The following TSPAN9 variants were observed in gnomAD, a reference collection of about 807,000 sequenced individuals.
TSPAN9 encodes tetraspanin 9.
TSPAN9 carries 16 observed loss-of-function variants against 31.0 expected under a neutral mutation model. The observed-to-expected ratio is 0.52, with a 90% CI of 0.35 to 0.78. The LOEUF (loss-of-function observed/expected upper bound fraction) is 0.78, where lower values mean the gene tolerates loss of function less well. Among genes scored for constraint, TSPAN9 ranks in the 30% least tolerant of loss-of-function variants. The pLI is 0.01. For synonymous variants in TSPAN9, 145 were observed against 121.6 expected, an observed-to-expected ratio of 1.19 and a Z score of -1.27; for missense variants, 272 against 312.5, an observed-to-expected ratio of 0.87 and a Z score of 0.98.
chr12:3,280,083 G>A lies in TSPAN9; in HGVS notation c.331-299G>A, dbSNP rs1349325335. 6.6e-6 allele frequency among the ~76,000 whole-genome samples: 1 copy of A among 152,104 alleles called. No individual in the cohort carries two copies. Among genetic ancestry groups the A allele is most frequent in the Non-Finnish European group, 1.5e-5 (1 of 67,996 alleles). On this transcript the variant is annotated intron_variant, in intron 5 of 8. Coordinates refer to ENST00000011898, the MANE Select transcript of TSPAN9 (RefSeq NM_006675.5). The surrounding 1 kb of genome is among the most constrained non-coding windows in gnomAD (Gnocchi z 4.5). ...TCCTGGGATGGGGGAGTGGAGGCAC[G>A]TGGTGTGTTTTTTTGCCTCTGGGTG...
intron 3 of TSPAN9, among the ~76,000 whole-genome samples, chr12:3,258,461 G>A (rs1291313346): frequency 6.6e-6 from 1 of 152,204 alleles, no homozygotes; most frequent in African/African-American, 2.4e-5. Context: ...AGACCTCAGT[G>A]AATGTCTCTG....
chr12:3,228,389 C>T (rs2098388971), intron 3 of TSPAN9, among the ~76,000 whole-genome samples: 1 of 152,186 alleles, frequency 6.6e-6, no homozygotes, highest in African/African-American at 2.4e-5. Flanking sequence ...AATAAGCTCT[C>T]CTCACATCCT....
intron 2 of TSPAN9, among the ~76,000 whole-genome samples, chr12:3,108,995 G>A (rs1016945617): frequency 4.0e-5 from 6 of 151,828 alleles, no homozygotes; most frequent in East Asian, 1.9e-4. Flanking sequence ...CAGTGCAGTG[G>A]CGCGATCTCC....
At chr12:3,101,849 G>A (rs530538983) in intron 2 of TSPAN9, among the ~76,000 whole-genome samples, 46 of 152,278 alleles carry the variant, frequency 3.0e-4, no homozygotes, top group Non-Finnish European at 2.8e-4. Flanking sequence ...GGCTCCCAGC[G>A]AAGCCTGGCG....
chr12:3,285,490 C>T lies in TSPAN9; in HGVS notation c.*2374C>T, dbSNP rs1355315616. ...TTGCAGAGCCTCATCTACAGGTCCC[C>T]ACGCTGCCTTCTTTACTCACTCTGC... On this transcript the variant is annotated 3_prime_UTR_variant, in exon 9 of 9. Transcript: ENST00000011898. 2 of 152,254 alleles carry T rather than the reference C, an allele frequency of 1.3e-5. No individual in the cohort carries two copies. Among genetic ancestry groups the T allele is most frequent in the African/African-American group, 2.4e-5 (1 of 41,442 alleles). 9.4% of individuals were successfully genotyped at this position (152,254 alleles called of 1,614,324 possible).
intron 2 of TSPAN9, among the ~76,000 whole-genome samples, chr12:3,121,829 C>T (rs1245128538): frequency 6.6e-6 from 1 of 152,098 alleles, no homozygotes; most frequent in East Asian, 1.9e-4. Flanking sequence ...GGGACTTGCC[C>T]TTGTACACAG....
At chr12:3,228,346 C>T (rs2098388953) in intron 3 of TSPAN9, among the ~76,000 whole-genome samples, 1 of 152,220 alleles carries the variant, frequency 6.6e-6, no homozygotes, top group Non-Finnish European at 1.5e-5. Flanking sequence ...GCCTGAACAA[C>T]AGAGCCAGAC....
chr12:3,275,492 A>G (rs1240913245), intron 3 of TSPAN9, among the ~76,000 whole-genome samples: 3 of 152,258 alleles, frequency 2.0e-5, no homozygotes, highest in African/African-American at 7.2e-5. Context: ...TCTCCATGGT[A>G]TGATTAATGA....
chr12:3,138,668 T>G (rs2098333235), intron 2 of TSPAN9, among the ~76,000 whole-genome samples: 1 of 151,158 alleles, frequency 6.6e-6, no homozygotes, highest in African/African-American at 2.4e-5. Context: ...CCTTTTTTTG[T>G]ATTTTTGTAG....
intron 2 of TSPAN9, among the ~76,000 whole-genome samples, chr12:3,124,394 G>A (rs2098326436): frequency 6.6e-6 from 1 of 151,638 alleles, no homozygotes; most frequent in Non-Finnish European, 1.5e-5. Flanking sequence ...CATACTGAAT[G>A]TCTAACAATA....
intron 2 of TSPAN9, among the ~76,000 whole-genome samples, chr12:3,165,844 G>C (rs1235216261): frequency 6.6e-6 from 1 of 152,124 alleles, no homozygotes; most frequent in Non-Finnish European, 1.5e-5. Flanking sequence ...AGCTCCCAGG[G>C]GTGTCTTAAG....
In TSPAN9 at chr12:3,201,216, G is replaced by A; in HGVS notation, c.23G>A (p.Cys8Tyr). 1 of 1,614,154 alleles carries A rather than the reference G, an allele frequency of 6.2e-7. No homozygotes were observed. Among genetic ancestry groups the A allele is most frequent in the Non-Finnish European group, 8.5e-7 (1 of 1,180,028 alleles). Reference sequence around the variant, plus strand: ...AACATGGCCAGGGGCTGCCTCTGCTGCTTGAAGTACATGATGTTCCTCTTC... The same window carrying A: ...AACATGGCCAGGGGCTGCCTCTGCTACTTGAAGTACATGATGTTCCTCTTC... The part of the protein sequence containing the change: MARGCLC[C>Y]LKYMMFLFNL... The change falls in exon 3 of 9, where the codon TGC (cysteine) becomes TAC (tyrosine). Residue 8 changes from cysteine (C) to tyrosine (Y), a missense_variant. By Grantham distance (194) the Cys-to-Tyr change is radical (BLOSUM62 -2). Transcript: ENST00000011898.
At chr12:3,139,097 T>G (rs1591644287) in intron 2 of TSPAN9, among the ~76,000 whole-genome samples, 1 of 152,194 alleles carries the variant, frequency 6.6e-6, no homozygotes, top group African/African-American at 2.4e-5. Flanking sequence ...GTGCTCAGTT[T>G]TCTGGGCTGT....
intron 1 of TSPAN9, among the ~76,000 whole-genome samples, chr12:3,078,223 A>C (rs560359581): frequency 6.6e-5 from 10 of 152,148 alleles, no homozygotes; most frequent in African/African-American, 2.2e-4. Context: ...CGCATCACCA[A>C]AACGGGGGGT....
chr12:3,103,286 T>C (rs2098312693), intron 2 of TSPAN9, among the ~76,000 whole-genome samples: 1 of 152,238 alleles, frequency 6.6e-6, no homozygotes. Context: ...TTTGTCAGCC[T>C]CGTCCGCGGT....
In TSPAN9 at chr12:3,143,276, A is replaced by ATAATATTTATAGTTATATTAATTATAAT. The variant is rs1234354824; in HGVS notation, c.-17-57890_-17-57889insGTTATATTAATTATAATTAATATTTATA. ...TTTATAGTTATATTAATCATAATTA[A>ATAATATTTATAGTTATATTAATTATAAT]TAATATTTATAATTATATTAATTAT... On this transcript the variant is annotated intron_variant, in intron 2 of 8. Coordinates refer to ENST00000011898, the MANE Select transcript of TSPAN9 (RefSeq NM_006675.5). The surrounding 1 kb of genome is among the most constrained non-coding windows in gnomAD (Gnocchi z 4.2). Among the ~76,000 whole-genome samples, 1 of 148,366 alleles carries ATAATATTTATAGTTATATTAATTATAAT rather than the reference A, an allele frequency of 6.7e-6. No individual in the cohort carries two copies. Among genetic ancestry groups the ATAATATTTATAGTTATATTAATTATAAT allele is most frequent in the African/African-American group, 2.5e-5 (1 of 40,814 alleles).
At chr12:3,108,356 C>T (rs910388051) in intron 2 of TSPAN9, among the ~76,000 whole-genome samples, 4 of 152,216 alleles carry the variant, frequency 2.6e-5, no homozygotes, top group African/African-American at 9.6e-5. Flanking sequence ...TTCCAGCCCC[C>T]CGTCCTGTGC....
chr12:3,212,388 T>C (rs1167629970), intron 3 of TSPAN9, among the ~76,000 whole-genome samples: 2 of 152,238 alleles, frequency 1.3e-5, no homozygotes, highest in Non-Finnish European at 2.9e-5. Context: ...TAAAGTTTCA[T>C]GAAGGTTTTA....
chr12:3,182,310 G>A (rs894972079), intron 2 of TSPAN9, among the ~76,000 whole-genome samples: 12 of 152,020 alleles, frequency 7.9e-5, no homozygotes, highest in Non-Finnish European at 1.3e-4. Context: ...TGGAGGGTGG[G>A]GGGCTTCAGG....
Sources: gnomAD v4.1 joint callset for allele counts (sites outside exome capture counted in the v4.1 genomes callset) on GRCh38, gnomAD v4.1.1 for gene constraint, Gnocchi (gnomAD v3.1) non-coding constraint, MANE v1.5 for transcripts, NCBI Gene and HGNC (gene_info 2026-07-23, HGNC 2026-07-21) for gene names.